LRP1B: variants seen among roughly 807,000 people sequenced by gnomAD.
LRP1B encodes low-density lipoprotein receptor-related protein 1B.
In LRP1B, 217 loss-of-function variants were observed where a neutral mutation model predicts 556.6. The observed-to-expected ratio is 0.39, with a 90% CI of 0.35 to 0.44. The LOEUF is 0.44. LRP1B is among the 20% of genes least tolerant of loss of function. The probability of loss-of-function intolerance (pLI) is 1.00; values close to 1 mark genes in which losing one functional copy is unlikely to be tolerated. For missense variants in LRP1B, 5,053 were observed against 5,620.8 expected (o/e 0.90, Z 3.23); for synonymous variants, 2,047 against 1,865.8 (o/e 1.10, Z -2.50).
At chr2:141,008,419 ATAAT>A (rs1207916523) in intron 14 of LRP1B, among the ~76,000 whole-genome samples, 5 of 150,988 alleles carry the variant, frequency 3.3e-5, no homozygotes, top group East Asian at 3.9e-4. Context: ...TCTAATCATT[ATAAT>A]TATTTATAAA....
chr2:141,517,002 CTT>C (rs1559116352), intron 2 of LRP1B, among the ~76,000 whole-genome samples: 1 of 15,480 alleles, frequency 6.5e-5, no homozygotes, highest in Non-Finnish European at 1.1e-4. Context: ...TGGCCCGTCT[CTT>C]AAAAAAAAAA....
At chr2:141,254,742 C>T in intron 3 of LRP1B, 101 bp from the exon 4 acceptor site, 1 of 873,514 alleles carries the variant, frequency 1.1e-6, no homozygotes, top group Non-Finnish European at 1.6e-6. Flanking sequence ...TGATTGTTCT[C>T]CCAGAAAGTT....
At chr2:140,912,467 A>C (rs1423100013) in intron 21 of LRP1B, among the ~76,000 whole-genome samples, 2 of 151,662 alleles carry the variant, frequency 1.3e-5, no homozygotes, top group African/African-American at 4.8e-5. Context: ...GAATATCCAA[A>C]AATCTTTAAA....
intron 1 of LRP1B, among the ~76,000 whole-genome samples, chr2:141,965,532 T>A (rs1701532623): frequency 2.2e-5 from 2 of 89,284 alleles, no homozygotes; most frequent in Admixed American, 1.3e-4. Context: ...CACTCATAGG[T>A]GGGAATTGAA....
intron 49 of LRP1B, among the ~76,000 whole-genome samples, chr2:140,519,265 A>G (rs1384429558): frequency 2.6e-5 from 4 of 152,190 alleles, no homozygotes; most frequent in Middle Eastern, 3.2e-3. Flanking sequence ...AAACAGAGAT[A>G]TAGACCAATG....
intron 43 of LRP1B, among the ~76,000 whole-genome samples, chr2:140,547,375 A>G (rs889994602): frequency 9.2e-5 from 14 of 152,062 alleles, no homozygotes; most frequent in Non-Finnish European, 1.5e-5. Context: ...TCCTGGCTCA[A>G]TCTTGGGAGG....
At chr2:140,878,296 A>G (rs1160203510) in intron 25 of LRP1B, among the ~76,000 whole-genome samples, 1 of 152,144 alleles carries the variant, frequency 6.6e-6, no homozygotes, top group East Asian at 1.9e-4. Flanking sequence ...AAATTTCAAT[A>G]TTGGGGCCTA....
chr2:140,723,538 A>G (rs1280049243), intron 35 of LRP1B, among the ~76,000 whole-genome samples: 1 of 47,642 alleles, frequency 2.1e-5, no homozygotes, highest in Non-Finnish European at 5.0e-5. Flanking sequence ...TGTCATAGCC[A>G]TATCCATTTA....
At chr2:142,075,361 T>C (rs1426683230) in intron 1 of LRP1B, among the ~76,000 whole-genome samples, 2 of 152,022 alleles carry the variant, frequency 1.3e-5, no homozygotes, top group African/African-American at 2.4e-5. Flanking sequence ...AAATATATGA[T>C]AGAGAAAATT....
chr2:140,656,529 G>C (rs1684884824), intron 41 of LRP1B, among the ~76,000 whole-genome samples: 1 of 152,112 alleles, frequency 6.6e-6, no homozygotes, highest in African/African-American at 2.4e-5. Flanking sequence ...ACATCAACCA[G>C]ATATGACCTG....
At chr2:141,410,584 A>G (rs1690815998) in intron 3 of LRP1B, among the ~76,000 whole-genome samples, 1 of 152,100 alleles carries the variant, frequency 6.6e-6, no homozygotes, top group African/African-American at 2.4e-5. Flanking sequence ...AATGATGGCT[A>G]TATATCTATT....
chr2:140,270,775 G>A (rs1481759118), intron 85 of LRP1B, among the ~76,000 whole-genome samples: 1 of 151,870 alleles, frequency 6.6e-6, no homozygotes, highest in Non-Finnish European at 1.5e-5. Context: ...TTCTAAAGTG[G>A]AAAATCTGTT....
chr2:141,273,516 T>C (rs1199224103), intron 3 of LRP1B, among the ~76,000 whole-genome samples: 1 of 152,130 alleles, frequency 6.6e-6, no homozygotes, highest in Non-Finnish European at 1.5e-5. Flanking sequence ...CTAGGTCAAC[T>C]GGAAATCCAC....
At chr2:140,983,889 T>C (rs1028300006) in intron 17 of LRP1B, among the ~76,000 whole-genome samples, 1 of 151,954 alleles carries the variant, frequency 6.6e-6, no homozygotes, top group African/African-American at 2.4e-5. Flanking sequence ...AGCAAACATG[T>C]ATGCTTCTGA....
intron 35 of LRP1B, among the ~76,000 whole-genome samples, chr2:140,720,601 A>G (rs983823139): frequency 6.6e-6 from 1 of 152,110 alleles, no homozygotes; most frequent in Non-Finnish European, 1.5e-5. Context: ...CTGGGTATTT[A>G]GAGACTAAAT....
intron 1 of LRP1B, among the ~76,000 whole-genome samples, chr2:141,811,275 T>C (rs1026963662): frequency 1.3e-5 from 2 of 152,082 alleles, no homozygotes; most frequent in Non-Finnish European, 2.9e-5. Context: ...TTAGCCATTA[T>C]ATTTCACTGG....
intron 2 of LRP1B, among the ~76,000 whole-genome samples, chr2:141,645,323 C>G (rs1689513679): frequency 1.3e-5 from 2 of 152,064 alleles, no homozygotes; most frequent in African/African-American, 4.8e-5. Flanking sequence ...GGACTCCACA[C>G]CATGCCTCAT....
intron 4 of LRP1B, among the ~76,000 whole-genome samples, chr2:141,253,690 G>T (rs1684353168): frequency 6.6e-6 from 1 of 151,996 alleles, no homozygotes; most frequent in African/African-American, 2.4e-5. Context: ...GCAAAGATTT[G>T]AAGTAATCAG....
intron 37 of LRP1B, among the ~76,000 whole-genome samples, chr2:140,710,063 G>A (rs189952293): frequency 7.2e-5 from 11 of 152,114 alleles, no homozygotes; most frequent in Admixed American, 7.2e-4. Context: ...TTAAGACGAA[G>A]TAAATAATAT....
Sources: gnomAD v4.1 joint callset for allele counts (sites outside exome capture counted in the v4.1 genomes callset) on GRCh38, gnomAD v4.1.1 for gene constraint, MANE v1.5 for transcripts, NCBI Gene and HGNC (gene_info 2026-07-23, HGNC 2026-07-21) for gene names.